Variants in BACH2 observed in about 807,000 individuals in gnomAD.
The protein encoded by BACH2 is transcription regulator protein BACH2.
BACH2 carries 5 observed loss-of-function variants against 61.8 expected under a neutral mutation model. That is an observed-to-expected ratio of 0.08 (90% CI 0.04 to 0.17). The LOEUF is 0.17. Among genes scored for constraint, BACH2 ranks in the 10% least tolerant of loss-of-function variants. BACH2 has a pLI of 1.00. For missense variants in BACH2, 824 were observed against 1,091.1 expected (o/e 0.76, Z 3.45); for synonymous variants, 446 against 440.1 (o/e 1.01, Z -0.17).
Position 90,008,559 on chromosome 6 carries a change from C to A in BACH2, c.243+43G>T. On this transcript the variant is annotated intron_variant, in intron 6 of 8. Coordinates refer to ENST00000257749, the MANE Select transcript of BACH2 (RefSeq NM_021813.4). The surrounding 1 kb of genome is among the most constrained non-coding windows in gnomAD (Gnocchi z 4.1). ...CCTAGTCAGCCAGTTTTCTGTAAGT[C>A]AATAAACATTCATTAACAATCACAC... 1 of 1,608,264 alleles carries A rather than the reference C, an allele frequency of 6.2e-7. No homozygotes were observed. The highest frequency in any genetic ancestry group is 1.1e-5 in the South Asian group (1 of 90,772).
chr6:90,022,086 A>G (rs1260442450), intron 5 of BACH2, among the ~76,000 whole-genome samples: 1 of 152,208 alleles, frequency 6.6e-6, no homozygotes, highest in East Asian at 1.9e-4. Flanking sequence ...AAAACTGACA[A>G]TGGTTTTTAC....
chr6:90,265,785 A>G (rs1582548368), intron 2 of BACH2, among the ~76,000 whole-genome samples: 1 of 152,200 alleles, frequency 6.6e-6, no homozygotes, highest in South Asian at 2.1e-4. Context: ...TAAACTTAAT[A>G]CTACCTTGTG....
intron 6 of BACH2, among the ~76,000 whole-genome samples, chr6:89,974,142 G>A (rs556155678): frequency 6.6e-6 from 1 of 152,270 alleles, no homozygotes; most frequent in Admixed American, 6.5e-5. Context: ...TGCATCTTTA[G>A]TGAGTCTTAC....
intron 7 of BACH2, among the ~76,000 whole-genome samples, chr6:89,947,499 A>C (rs993870475): frequency 2.0e-5 from 3 of 152,180 alleles, no homozygotes; most frequent in Non-Finnish European, 4.4e-5. Context: ...TATGTTTTCC[A>C]AAATGGCATA....
At chr6:90,070,972 T>C (rs1781197255) in intron 5 of BACH2, among the ~76,000 whole-genome samples, 1 of 152,186 alleles carries the variant, frequency 6.6e-6, no homozygotes, top group Admixed American at 6.5e-5. Context: ...TTCCTTTTCT[T>C]TCCTTTGTTT....
At chr6:90,258,656 C>T (rs763667357) in intron 2 of BACH2, among the ~76,000 whole-genome samples, 14 of 152,202 alleles carry the variant, frequency 9.2e-5, no homozygotes, top group Non-Finnish European at 1.8e-4. Flanking sequence ...GCTTTGGGTA[C>T]TATGGACATT....
At chr6:89,981,842 T>G (rs1775975986) in intron 6 of BACH2, among the ~76,000 whole-genome samples, 1 of 152,142 alleles carries the variant, frequency 6.6e-6, no homozygotes, top group Non-Finnish European at 1.5e-5. Flanking sequence ...TGCAATATAT[T>G]ATTTGACAGA....
chr6:89,951,830 C>A lies in BACH2; in HGVS notation c.276G>T (p.Gln92His). Residue 92 changes from glutamine to histidine, a missense_variant, in exon 7 of 9, where the codon CAG becomes CAT. Gln to His is a conservative substitution (Grantham distance 24). This residue lies in a region of BACH2 where 66 missense variants were observed against 144.8 expected (regional missense o/e 0.46). Coordinates refer to ENST00000257749, the MANE Select transcript of BACH2 (RefSeq NM_021813.4). This position sits in a 1 kb window ranked among gnomAD's most constrained non-coding sequence, Gnocchi z 6.4. ...VTARGFGPLL[Q>H]FAYTAKLLLS... The stretch of plus-strand genomic sequence containing the variant: ...GTAACAGCTTGGCAGTGTAGGCAAA[C>A]TGTAACAGCGGCCCAAAGCCCCTGG... 6.2e-7 allele frequency: 1 copy of A among 1,613,354 alleles called. No homozygotes were observed. The highest frequency in any genetic ancestry group is 8.5e-7 in the Non-Finnish European group (1 of 1,179,276).
chr6:89,980,187 C>G (rs904361912), intron 6 of BACH2, among the ~76,000 whole-genome samples: 1 of 151,590 alleles, frequency 6.6e-6, no homozygotes, highest in South Asian at 2.1e-4. Context: ...CCAGCTACTC[C>G]GGAGGCTGAA....
chr6:90,075,155 T>C (rs903305472), intron 5 of BACH2, among the ~76,000 whole-genome samples: 3 of 152,166 alleles, frequency 2.0e-5, no homozygotes, highest in African/African-American at 7.2e-5. Context: ...AAAGAACATA[T>C]AAGATATAAG....
intron 6 of BACH2, among the ~76,000 whole-genome samples, chr6:89,970,534 A>G (rs554363556): frequency 3.9e-5 from 6 of 152,324 alleles, no homozygotes; most frequent in African/African-American, 1.2e-4. Context: ...AAAAAACATA[A>G]TATCAGGTGT....
At chr6:90,212,210 C>T (rs928307485) in intron 3 of BACH2, among the ~76,000 whole-genome samples, 1 of 135,548 alleles carries the variant, frequency 7.4e-6, no homozygotes, top group Non-Finnish European at 1.7e-5. Flanking sequence ...AATATAAGGT[C>T]ATTTTATTAC....
At chr6:90,119,055 AAT>A (rs1394614513) in intron 4 of BACH2, among the ~76,000 whole-genome samples, 1 of 152,220 alleles carries the variant, frequency 6.6e-6, no homozygotes, top group Non-Finnish European at 1.5e-5. Flanking sequence ...ACCTAAATTA[AAT>A]ATATGTTATC....
At chr6:89,976,649 A>G (rs1201215558) in intron 6 of BACH2, among the ~76,000 whole-genome samples, 1 of 152,172 alleles carries the variant, frequency 6.6e-6, no homozygotes, top group Non-Finnish European at 1.5e-5. Context: ...AAACGAAACA[A>G]TCACACTTTA....
chr6:90,078,081 C>G (rs1430288216), intron 5 of BACH2, among the ~76,000 whole-genome samples: 1 of 152,158 alleles, frequency 6.6e-6, no homozygotes, highest in African/African-American at 2.4e-5. Context: ...TGTTTTCTAC[C>G]TGTCAGCATC....
intron 4 of BACH2, among the ~76,000 whole-genome samples, chr6:90,167,355 T>C (rs1767661955): frequency 6.6e-6 from 1 of 151,956 alleles, no homozygotes; most frequent in South Asian, 2.1e-4. Flanking sequence ...ACCTCCTTTT[T>C]TCTTTTTCTT....
In BACH2 at chr6:89,951,979, G is replaced by A. The variant is rs1774156967; in HGVS notation, c.244-117C>T. 8.1e-7 allele frequency: 1 copy of A among 1,240,674 alleles called. No individual in the cohort carries two copies. The highest frequency in any genetic ancestry group is 2.5e-5 in the East Asian group (1 of 40,446). 76.9% of individuals were successfully genotyped at this position (1,240,674 alleles called of 1,614,324 possible). A position where few individuals can be genotyped will look rare whatever the true frequency, so the allele number is the denominator to read the frequency against. On this transcript the variant is annotated intron_variant, in intron 6 of 8. Coordinates refer to ENST00000257749, the MANE Select transcript of BACH2 (RefSeq NM_021813.4). The surrounding 1 kb of genome is among the most constrained non-coding windows in gnomAD (Gnocchi z 6.4). ...AATGTCCCAGAATAAAGACTGCAAA[G>A]GGGCAGTTAATCTTGTAGTACTGGG...
chr6:90,245,103 G>A (rs961046286), intron 3 of BACH2, among the ~76,000 whole-genome samples: 1 of 151,896 alleles, frequency 6.6e-6, no homozygotes, highest in African/African-American at 2.4e-5. Context: ...AGGCTGAAGT[G>A]GGAGAATATC....
At position 89,932,300 on chromosome 6, in the gene BACH2, C is replaced by T. The variant is rs1053918340; in HGVS notation, c.*108G>A. 3 of 1,428,348 alleles carry T rather than the reference C, an allele frequency of 2.1e-6. No homozygotes were observed. Among genetic ancestry groups the T allele is most frequent in the African/African-American group, 2.8e-5 (2 of 70,572 alleles). 88.5% of individuals were successfully genotyped at this position (1,428,348 alleles called of 1,614,324 possible). ...GCTGCTAAGACCGCTGTAGTGTGCA[C>T]CAAATGTGTTCTCGGTTTCTTCGGG... is the stretch of plus-strand genomic sequence containing the variant. On this transcript the variant is annotated 3_prime_UTR_variant, in exon 9 of 9. Coordinates refer to ENST00000257749, the MANE Select transcript of BACH2 (RefSeq NM_021813.4).
Sources: gnomAD v4.1 joint callset for allele counts (sites outside exome capture counted in the v4.1 genomes callset) on GRCh38, gnomAD v4.1.1 for gene constraint, gnomAD v4.1.1 regional missense constraint, Gnocchi (gnomAD v3.1) non-coding constraint, MANE v1.5 for transcripts, NCBI Gene and HGNC (gene_info 2026-07-23, HGNC 2026-07-21) for gene names.